Variants in TENM4 observed in about 807,000 individuals in gnomAD.
TENM4 encodes teneurin transmembrane protein 4, also known as teneurin-4.
TENM4 carries 82 observed loss-of-function variants against 243.3 expected under a neutral mutation model. The ratio of observed to expected loss-of-function variants is 0.34; its 90% confidence interval spans 0.28 to 0.40. The LOEUF (loss-of-function observed/expected upper bound fraction) is 0.40. Among genes scored for constraint, TENM4 ranks in the 10% least tolerant of loss-of-function variants. The probability of loss-of-function intolerance (pLI) is 1.00; values close to 1 mark genes in which losing one functional copy is unlikely to be tolerated. For synonymous variants in TENM4, 1,412 were observed against 1,456.3 expected (o/e 0.97, Z 0.69); for missense variants, 3,138 against 3,673.3 (o/e 0.85, Z 3.77).
chr11:78,891,088 C>G (rs1444568051), intron 8 of TENM4, 150 bp downstream of exon 8: 3 of 665,958 alleles, frequency 4.5e-6, no homozygotes, highest in Non-Finnish European at 7.9e-6. Context: ...AAAGGATAAA[C>G]TGTTGCAAGT....
At chr11:78,942,890 G>A (rs950969676) in intron 6 of TENM4, among the ~76,000 whole-genome samples, 5 of 151,542 alleles carry the variant, frequency 3.3e-5, no homozygotes, top group African/African-American at 1.2e-4. Context: ...GAGAAATGGT[G>A]ATCTGAAGCC....
Position 78,873,817 on chromosome 11 carries a change from A to G in TENM4, c.1085-10685T>C, listed in dbSNP as rs1056653245. ...TGGTCTACGCTACTTCTGCCTGCTCAGGAGTCTCACTTTGTGTGGATTTCT... is the reference window on the plus strand; with the variant it reads ...TGGTCTACGCTACTTCTGCCTGCTCGGGAGTCTCACTTTGTGTGGATTTCT... On this transcript the variant is annotated intron_variant, in intron 9 of 33. Coordinates refer to ENST00000278550, the MANE Select transcript of TENM4 (RefSeq NM_001098816.3). 6.6e-5 allele frequency among the ~76,000 whole-genome samples: 10 copies of G among 152,256 alleles called. No individual in the cohort carries two copies. The South Asian group carries it at 1.5e-3, about 22-fold the overall frequency.
At chr11:79,281,948 T>A (rs765344979) in intron 2 of TENM4, among the ~76,000 whole-genome samples, 2 of 152,226 alleles carry the variant, frequency 1.3e-5, no homozygotes, top group African/African-American at 4.8e-5. Flanking sequence ...ACTGAACTGC[T>A]GGTTCTGCTT....
At chr11:79,271,509 C>G (rs541338347) in intron 2 of TENM4, among the ~76,000 whole-genome samples, 8 of 152,354 alleles carry the variant, frequency 5.3e-5, no homozygotes, top group African/African-American at 1.9e-4. Context: ...GTCCCCAGGG[C>G]CACAGTGGGT....
intron 4 of TENM4, among the ~76,000 whole-genome samples, chr11:79,080,137 T>G (rs1401825079): frequency 6.6e-6 from 1 of 152,204 alleles, no homozygotes; most frequent in Admixed American, 6.5e-5. Context: ...CATCCTCTCT[T>G]CAGATTTAAC....
At chr11:79,279,617 C>A (rs1293832416) in intron 2 of TENM4, among the ~76,000 whole-genome samples, 9 of 152,104 alleles carry the variant, frequency 5.9e-5, no homozygotes, top group Admixed American at 1.3e-4. Flanking sequence ...CACCTCATGT[C>A]CTATCCCACT....
chr11:78,831,361 G>C (rs867741473), intron 12 of TENM4, among the ~76,000 whole-genome samples: 101 of 152,322 alleles, frequency 6.6e-4, no homozygotes, highest in African/African-American at 2.0e-3. Context: ...CCCAGCTCCT[G>C]GCCGGGTGAA....
At chr11:79,213,200 A>G (rs1432033508) in intron 3 of TENM4, among the ~76,000 whole-genome samples, 1 of 152,160 alleles carries the variant, frequency 6.6e-6, no homozygotes, top group Non-Finnish European at 1.5e-5. Context: ...GTGTATGTGG[A>G]GGCTGGATGG....
intron 1 of TENM4, among the ~76,000 whole-genome samples, chr11:79,333,251 C>T (rs1857091024): frequency 6.6e-6 from 1 of 152,046 alleles, no homozygotes; most frequent in Admixed American, 6.6e-5. Context: ...TCCATCTATC[C>T]ATCCATCCAT....
intron 7 of TENM4, among the ~76,000 whole-genome samples, chr11:78,902,614 T>C (rs191571313): frequency 1.9e-4 from 29 of 152,318 alleles, no homozygotes; most frequent in Admixed American, 3.9e-4. Flanking sequence ...AATTCCCAAA[T>C]GGGGATTATC....
chr11:79,301,290 G>A (rs1856545727), intron 1 of TENM4, among the ~76,000 whole-genome samples: 2 of 152,100 alleles, frequency 1.3e-5, no homozygotes, highest in Admixed American at 6.5e-5. Context: ...GTACTGCTCG[G>A]GTATTGCAGA....
intron 9 of TENM4, among the ~76,000 whole-genome samples, chr11:78,889,555 T>C (rs1855616004): frequency 6.6e-6 from 1 of 152,154 alleles, no homozygotes; most frequent in Non-Finnish European, 1.5e-5. Flanking sequence ...GATGCCCAGC[T>C]TCCTTCCTGA....
At chr11:79,026,445 A>T (rs1272410216) in intron 6 of TENM4, among the ~76,000 whole-genome samples, 4 of 152,188 alleles carry the variant, frequency 2.6e-5, no homozygotes, top group African/African-American at 9.7e-5. Context: ...CGCCATGGAC[A>T]CAGTGCATAG....
chr11:79,217,097 T>C (rs1395375719), intron 2 of TENM4, among the ~76,000 whole-genome samples: 1 of 152,066 alleles, frequency 6.6e-6, no homozygotes, highest in Non-Finnish European at 1.5e-5. Flanking sequence ...GACTATAAAT[T>C]TGATTTTCAG....
intron 15 of TENM4, among the ~76,000 whole-genome samples, chr11:78,799,657 T>A (rs896263815): frequency 6.6e-6 from 1 of 152,248 alleles, no homozygotes; most frequent in Non-Finnish European, 1.5e-5. Flanking sequence ...TACTCCAAAT[T>A]TCATGCAATT....
intron 6 of TENM4, among the ~76,000 whole-genome samples, chr11:79,062,984 C>G (rs1198687328): frequency 6.6e-6 from 1 of 152,126 alleles, no homozygotes; most frequent in East Asian, 1.9e-4. Flanking sequence ...GGCCCCTTCA[C>G]AGGGCTGGCT....
intron 25 of TENM4, among the ~76,000 whole-genome samples, chr11:78,717,232 T>C (rs920449965): frequency 2.0e-5 from 3 of 152,206 alleles, no homozygotes; most frequent in Non-Finnish European, 4.4e-5. Context: ...TCTGCCCTCA[T>C]TCTGGATGGT....
chr11:79,295,182 T>C (rs1856428966), intron 2 of TENM4, among the ~76,000 whole-genome samples: 1 of 152,164 alleles, frequency 6.6e-6, no homozygotes, highest in Non-Finnish European at 1.5e-5. Flanking sequence ...AACATTCTTG[T>C]AGCAGGGCTT....
rs7112227 is a variant in TENM4 at position 79,118,425 on chromosome 11, C to A, written c.-66+30285G>T. On this transcript the variant is annotated intron_variant, in intron 4 of 33. Transcript: ENST00000278550. ...CATAATATAAAATTTACCATTTTAA[C>A]CCTTTTCAAGTCTATACTTCAATGG... Among the ~76,000 whole-genome samples, 927 of 152,290 alleles carry A rather than the reference C, an allele frequency of 6.1e-3. 9 individuals carry two copies. The highest frequency in any genetic ancestry group is 0.021 in the African/African-American group (889 of 41,554).
Sources: gnomAD v4.1 joint callset for allele counts (sites outside exome capture counted in the v4.1 genomes callset) on GRCh38, gnomAD v4.1.1 for gene constraint, MANE v1.5 for transcripts, NCBI Gene and HGNC (gene_info 2026-07-23, HGNC 2026-07-21) for gene names.